Variants in CYGB observed in about 807,000 individuals in gnomAD.
The protein encoded by CYGB is cytoglobin, also known as histoglobin.
In CYGB, 13 loss-of-function variants were observed where a neutral mutation model predicts 20.7. That is an observed-to-expected ratio of 0.63 (90% CI 0.41 to 1.00). The LOEUF is 1.00. CYGB is among the 50% of genes least tolerant of loss of function. The probability of loss-of-function intolerance (pLI) is 0.00; values close to 1 mark genes in which losing one functional copy is unlikely to be tolerated. For missense variants in CYGB, 218 were observed against 257.2 expected, an observed-to-expected ratio of 0.85 and a Z score of 1.04; for synonymous variants, 93 against 107.4, an observed-to-expected ratio of 0.87 and a Z score of 0.83.
chr17:76,536,185 G>A (rs886924291), intron 1 of CYGB, among the ~76,000 whole-genome samples: 5 of 152,144 alleles, frequency 3.3e-5, no homozygotes, highest in African/African-American at 1.2e-4. Context: ...CCTCAGGAGC[G>A]CTCCTCTAAC....
At chr17:76,538,546 G>T, upstream of CYGB, 1 of 464,010 alleles carries the variant, frequency 2.2e-6, no homozygotes, top group Non-Finnish European at 4.5e-6. Flanking sequence ...AGCCCAGCTG[G>T]TGGCGGAGGA....
chr17:76,544,450 C>G (rs1263708885), intron 1 of CYGB: 1 of 455,080 alleles, frequency 2.2e-6, no homozygotes, highest in Non-Finnish European at 4.4e-6. Flanking sequence ...CTGGGGAGGG[C>G]CTGCTGGTAC....
chr17:76,540,358 C>A, upstream of CYGB: 1 of 1,274,926 alleles, frequency 7.8e-7, no homozygotes, highest in Non-Finnish European at 1.1e-6. This position sits in a 1 kb window ranked among gnomAD's most constrained non-coding sequence, Gnocchi z 5.0. Flanking sequence ...CTTGAGAGAG[C>A]ACAGTCTCAG....
Position 76,528,953 on chromosome 17 carries a change from C to A in CYGB, c.540-342G>T. 3 of 1,075,088 alleles carry A rather than the reference C, an allele frequency of 2.8e-6. No individual in the cohort carries two copies. Among genetic ancestry groups the A allele is most frequent in the Non-Finnish European group, 2.3e-6 (2 of 888,828 alleles). The allele number at this position is 1,075,088 out of a possible 1,614,324, so 66.6% of individuals were successfully genotyped here. On this transcript the variant is annotated intron_variant, in intron 3 of 3. Transcript: ENST00000293230. This position sits in a 1 kb window ranked among gnomAD's most constrained non-coding sequence, Gnocchi z 5.8. ...TTTTTCCATTAATTCTGAAACGTGG[C>A]GCATTCTGTCCGGCCTGTCTCGTCC...
rs781254798 is a variant in CYGB at position 76,531,112 on chromosome 17, C to T, written c.406G>A (p.Ala136Thr). The T allele has an allele frequency of 6.2e-6, 10 of 1,613,664 alleles. No homozygotes were observed. Among genetic ancestry groups the T allele is most frequent in the Admixed American group, 5.0e-5 (3 of 59,986 alleles). Residue 136 changes from alanine (A) to threonine (T), a missense_variant, in exon 3 of 4, where the codon GCC becomes ACC. By Grantham distance (58) the Ala-to-Thr change is moderately conservative (BLOSUM62 0). This residue lies in a region of CYGB where 66 missense variants were observed against 107.4 expected (regional missense o/e 0.61). Transcript: ENST00000293230. This position sits in a 1 kb window ranked among gnomAD's most constrained non-coding sequence, Gnocchi z 7.4. The part of the protein sequence containing the change: ...ILSGVILEVV[A>T]EEFASDFPPE... ...GGGAAGTCACTGGCAAATTCCTCGG[C>T]GACCACCTCCAGAATGACCCCAGAG... is the stretch of plus-strand genomic sequence containing the variant.
chr17:76,531,974 A>C lies in CYGB; in HGVS notation c.144-283T>G. On this transcript the variant is annotated intron_variant, in intron 1 of 3. Coordinates refer to ENST00000293230, the MANE Select transcript of CYGB (RefSeq NM_134268.5). This position sits in a 1 kb window ranked among gnomAD's most constrained non-coding sequence, Gnocchi z 7.4. Reference sequence around the variant, plus strand: ...TCCTCGCTTCTTGCTTCCTTCCCAAACTCTACACCCCCTTCAAGCCCTGCT... The same window carrying C: ...TCCTCGCTTCTTGCTTCCTTCCCAACCTCTACACCCCCTTCAAGCCCTGCT... 9.3e-6 allele frequency: 3 copies of C among 322,466 alleles called. No homozygotes were observed. Among genetic ancestry groups the C allele is most frequent in the South Asian group, 6.1e-5 (1 of 16,370 alleles). 20.0% of individuals were successfully genotyped at this position (322,466 alleles called of 1,614,324 possible). A position where few individuals can be genotyped will look rare whatever the true frequency, so the allele number is the denominator to read the frequency against.
Position 76,537,619 on chromosome 17 carries a change from G to C in CYGB, c.-77C>G. 1 of 993,608 alleles carries C rather than the reference G, an allele frequency of 1.0e-6. No individual in the cohort carries two copies. The highest frequency in any genetic ancestry group is 4.5e-5 in the South Asian group (1 of 22,176). The allele number at this position is 993,608 out of a possible 1,614,324, so 61.5% of individuals were successfully genotyped here. On this transcript the variant is annotated 5_prime_UTR_variant, in exon 1 of 4. Transcript: ENST00000293230. ...GCGGGGCGCGGGGCGCGGGGCGCCGGGAGCCGGGGCCGGCTGCGTGCGCGG... is the reference window on the plus strand; with the variant it reads ...GCGGGGCGCGGGGCGCGGGGCGCCGCGAGCCGGGGCCGGCTGCGTGCGCGG...
Position 76,533,151 on chromosome 17 carries a change from G to A in CYGB, c.144-1460C>T, listed in dbSNP as rs1191947328. 1.3e-5 allele frequency among the ~76,000 whole-genome samples: 2 copies of A among 152,170 alleles called. No homozygotes were observed. The highest frequency in any genetic ancestry group is 3.8e-4 in the East Asian group (2 of 5,196). On this transcript the variant is annotated intron_variant, in intron 1 of 3. Coordinates refer to ENST00000293230, the MANE Select transcript of CYGB (RefSeq NM_134268.5). This position sits in a 1 kb window ranked among gnomAD's most constrained non-coding sequence, Gnocchi z 4.5. ...TGCTATTGGCGGGGAAGTTTGCACA[G>A]TGACCAGGGCACAGTCTGTGTGGAG...
chr17:76,544,215 G>A (rs955156906), intron 1 of CYGB: 2 of 454,400 alleles, frequency 4.4e-6, no homozygotes, highest in South Asian at 1.6e-5. Flanking sequence ...CTGTGCACAC[G>A]CGTCTCTCCT....
chr17:76,540,110 C>T (rs752819238), upstream of CYGB: 3 of 1,585,498 alleles, frequency 1.9e-6, no homozygotes, highest in Admixed American at 5.4e-5. The surrounding 1 kb of genome is among the most constrained non-coding windows in gnomAD (Gnocchi z 5.0). Context: ...CTTCTGCAGA[C>T]TTGGCCTGGG....
intron 1 of CYGB, chr17:76,550,821 T>C (rs1017211051): frequency 6.6e-6 from 1 of 152,168 alleles, no homozygotes; most frequent in Non-Finnish European, 1.5e-5. Flanking sequence ...GTGTTCAAAG[T>C]ATGTTGAAAT....
At chr17:76,542,002 A>C (rs2074997549), upstream of CYGB, among the ~76,000 whole-genome samples, 1 of 152,118 alleles carries the variant, frequency 6.6e-6, no homozygotes, top group African/African-American at 2.4e-5. Context: ...CCTACCTATT[A>C]AGTCACTCGG....
chr17:76,533,688 ACT>A lies in CYGB; in HGVS notation c.144-1999_144-1998del, dbSNP rs1332184013. 6.6e-6 allele frequency among the ~76,000 whole-genome samples: 1 copy of A among 152,004 alleles called. No individual in the cohort carries two copies. The highest frequency in any genetic ancestry group is 1.9e-4 in the East Asian group (1 of 5,184). On this transcript the variant is annotated intron_variant, in intron 1 of 3. Coordinates refer to ENST00000293230, the MANE Select transcript of CYGB (RefSeq NM_134268.5). This position sits in a 1 kb window ranked among gnomAD's most constrained non-coding sequence, Gnocchi z 4.5. ...CAGGGAGCCAAGATTGTGCCATTGC[ACT>A]CCAGCCTGGGTGACAGAGTGAGACC...
Position 76,530,031 on chromosome 17 carries a change from G to A in CYGB, c.539+948C>T, listed in dbSNP as rs934797190. ...CCTCCAGGAGCTGTGCCTGTGAACAGAAGGGCCGGCAGTCTTGGGGGCCCG... is the reference window on the plus strand; with the variant it reads ...CCTCCAGGAGCTGTGCCTGTGAACAAAAGGGCCGGCAGTCTTGGGGGCCCG... On this transcript the variant is annotated intron_variant, in intron 3 of 3. Coordinates refer to ENST00000293230, the MANE Select transcript of CYGB (RefSeq NM_134268.5). This position sits in a 1 kb window ranked among gnomAD's most constrained non-coding sequence, Gnocchi z 6.1. 1.0e-6 allele frequency: 1 copy of A among 985,420 alleles called. No homozygotes were observed. Among genetic ancestry groups the A allele is most frequent in the Non-Finnish European group, 1.2e-6 (1 of 829,918 alleles). 61.0% of individuals were successfully genotyped at this position (985,420 alleles called of 1,614,324 possible).
chr17:76,532,530 C>CTT (rs111936272), intron 1 of CYGB, among the ~76,000 whole-genome samples: 1,379 of 125,684 alleles, frequency 0.011, 29 homozygotes, highest in African/African-American at 0.035. Flanking sequence ...ATGACAATGG[C>CTT]TTTTTTTTTT....
At chr17:76,540,594 G>T (rs771176701), upstream of CYGB, 1 of 1,610,072 alleles carries the variant, frequency 6.2e-7, no homozygotes, top group Non-Finnish European at 8.5e-7. The surrounding 1 kb of genome is among the most constrained non-coding windows in gnomAD (Gnocchi z 5.0). Flanking sequence ...AGTCTGGGCT[G>T]GGGGAGGGAG....
At position 76,546,493 on chromosome 17, in the gene CYGB, C is replaced by T. The variant is rs1003784832; in HGVS notation, c.-53+4369G>A. ...GTGTGCGCGCAGTCCTGGGCAAGGG[C>T]AAACAGTACAGGTGGTGGGCCAAGA... On this transcript the variant is annotated intron_variant, in intron 1 of 3. Transcript: ENST00000589145. The surrounding 1 kb of genome is among the most constrained non-coding windows in gnomAD (Gnocchi z 4.5). 1 of 151,820 alleles carries T rather than the reference C, an allele frequency of 6.6e-6. No homozygotes were observed. The highest frequency in any genetic ancestry group is 2.4e-5 in the African/African-American group (1 of 41,130). The allele number at this position is 151,820 out of a possible 1,614,324, so 9.4% of individuals were successfully genotyped here. A position where few individuals can be genotyped will look rare whatever the true frequency, so the allele number is the denominator to read the frequency against.
In CYGB at chr17:76,527,604, C is replaced by T. The variant is rs372032317; in HGVS notation, c.*974G>A. ...CAGATGAATAGACAGGGCCGACTGC[C>T]GGCCAGGAGGAGGGTGGGGTGGGGA... On this transcript the variant is annotated 3_prime_UTR_variant, in exon 4 of 4. Transcript: ENST00000293230. The T allele has an allele frequency of 2.6e-5, 12 of 453,072 alleles. No individual in the cohort carries two copies. Among genetic ancestry groups the T allele is most frequent in the African/African-American group, 8.0e-5 (4 of 50,062 alleles). 28.1% of individuals were successfully genotyped at this position (453,072 alleles called of 1,614,324 possible).
At chr17:76,542,437 C>T (rs1208187456), upstream of CYGB, 22 of 1,213,114 alleles carry the variant, frequency 1.8e-5, no homozygotes, top group Middle Eastern at 2.0e-4. Context: ...CTTAGGTGGT[C>T]CTGCCCCTCA....
Sources: allele counts gnomAD v4.1 joint callset (sites outside exome capture counted in the v4.1 genomes callset), GRCh38; gene constraint gnomAD v4.1.1; regional missense constraint gnomAD v4.1.1; non-coding constraint Gnocchi (gnomAD v3.1); transcripts MANE v1.5; gene names NCBI Gene and HGNC (gene_info 2026-07-23, HGNC 2026-07-21).